Variants in ASTN2 observed in about 807,000 individuals in gnomAD.
ASTN2 encodes the protein astrotactin 2.
In ASTN2, 54 loss-of-function variants were observed where a neutral mutation model predicts 139.8. The ratio of observed to expected loss-of-function variants is 0.39; its 90% CI spans 0.31 to 0.48. The LOEUF (loss-of-function observed/expected upper bound fraction) is 0.48. Ranked by LOEUF, ASTN2 falls within the 20% of genes least tolerant of loss-of-function variation. The pLI, the probability that ASTN2 is intolerant of heterozygous loss-of-function variation, is 0.95. For synonymous variants in ASTN2, 756 were observed against 719.5 expected, an observed-to-expected ratio of 1.05 and a Z score of -0.81; for missense variants, 1,565 against 1,725.1, an observed-to-expected ratio of 0.91 and a Z score of 1.64.
Position 116,634,083 on chromosome 9 carries a change from A to C in ASTN2, c.3073-13640T>G, listed in dbSNP as rs534210359. Among the ~76,000 whole-genome samples, 13 of 152,292 alleles carry C rather than the reference A, an allele frequency of 8.5e-5. No individual in the cohort carries two copies. In the East Asian group the frequency reaches 2.5e-3, roughly 29 times the overall value. On this transcript the variant is annotated intron_variant, in intron 17 of 22. Transcript: ENST00000313400. Reference sequence around the variant, plus strand: ...TCCAGTGCTATCACTAAGCAAACTGACAGAATCATCTTCAACTCTCTATGC... The same window carrying C: ...TCCAGTGCTATCACTAAGCAAACTGCCAGAATCATCTTCAACTCTCTATGC...
intron 16 of ASTN2, among the ~76,000 whole-genome samples, chr9:116,681,423 T>C (rs1316814422): frequency 2.0e-5 from 3 of 152,054 alleles, no homozygotes; most frequent in Admixed American, 6.6e-5. Context: ...TAGGAAGAAT[T>C]AATATCGTGA....
At position 117,143,898 on chromosome 9, in the gene ASTN2, T is replaced by C. The variant is rs148505041; in HGVS notation, c.1016-2420A>G. On this transcript the variant is annotated intron_variant, in intron 3 of 22. Coordinates refer to ENST00000313400, the MANE Select transcript of ASTN2 (RefSeq NM_001365068.1). ...GCCCCTTCTTATGACCTCATTTAACTTTAATTACCTCCCAAAGATCCTATC... is the reference window on the plus strand; with the variant it reads ...GCCCCTTCTTATGACCTCATTTAACCTTAATTACCTCCCAAAGATCCTATC... Among the ~76,000 whole-genome samples, 658 of 152,294 alleles carry C rather than the reference T, an allele frequency of 4.3e-3. 4 individuals are homozygous for C. Among genetic ancestry groups the C allele is most frequent in the African/African-American group, 0.015 (614 of 41,556 alleles).
intron 2 of ASTN2, among the ~76,000 whole-genome samples, chr9:117,256,094 T>A (rs1367882684): frequency 1.3e-5 from 2 of 152,192 alleles, no homozygotes; most frequent in Admixed American, 6.5e-5. Context: ...ACACCAAGCC[T>A]GCAAGTTTGG....
At chr9:116,682,354 A>C (rs1859934931) in intron 16 of ASTN2, among the ~76,000 whole-genome samples, 1 of 152,340 alleles carries the variant, frequency 6.6e-6, no homozygotes, top group African/African-American at 2.4e-5. Context: ...TAGAATGGCA[A>C]TCATTAAAAA....
intron 16 of ASTN2, among the ~76,000 whole-genome samples, chr9:116,666,583 T>G (rs1314207932): frequency 6.6e-6 from 1 of 152,224 alleles, no homozygotes; most frequent in Non-Finnish European, 1.5e-5. Flanking sequence ...TACTGTATCA[T>G]ACTTTTAAAA....
chr9:116,458,358 G>C (rs1323881041), intron 20 of ASTN2, among the ~76,000 whole-genome samples: 1 of 151,802 alleles, frequency 6.6e-6, no homozygotes, highest in Non-Finnish European at 1.5e-5. Flanking sequence ...ATAACTAAAA[G>C]AGCATAATTG....
intron 11 of ASTN2, among the ~76,000 whole-genome samples, chr9:116,838,113 TTTGTTTTG>T (rs1564295683): frequency 2.2e-5 from 3 of 138,836 alleles, no homozygotes; most frequent in African/African-American, 5.4e-5. Flanking sequence ...TTTTTTTTGT[TTTGTTTTG>T]TTTTTTGAGA....
intron 19 of ASTN2, among the ~76,000 whole-genome samples, chr9:116,575,120 A>G (rs1389714217): frequency 1.3e-5 from 2 of 151,964 alleles, no homozygotes; most frequent in Non-Finnish European, 2.9e-5. Flanking sequence ...TCTACTTTTA[A>G]TTCCTTTTGC....
chr9:116,889,852 G>A (rs1190006017), intron 10 of ASTN2, among the ~76,000 whole-genome samples: 1 of 152,014 alleles, frequency 6.6e-6, no homozygotes, highest in Non-Finnish European at 1.5e-5. Context: ...GATCACTTGA[G>A]CTTAGGACTT....
intron 17 of ASTN2, among the ~76,000 whole-genome samples, chr9:116,625,838 G>A (rs1856424586): frequency 6.6e-6 from 1 of 152,078 alleles, no homozygotes; most frequent in Admixed American, 6.5e-5. Context: ...GGAAGGAGGT[G>A]TGGACCCTGC....
At chr9:117,264,908 C>T (rs553831847) in intron 2 of ASTN2, among the ~76,000 whole-genome samples, 1 of 152,274 alleles carries the variant, frequency 6.6e-6, no homozygotes, top group South Asian at 2.1e-4. Flanking sequence ...TATTTCGGAA[C>T]CAAACTTCAG....
chr9:116,959,278 C>T (rs192889952), intron 10 of ASTN2, among the ~76,000 whole-genome samples: 1 of 152,204 alleles, frequency 6.6e-6, no homozygotes, highest in Admixed American at 6.5e-5. Flanking sequence ...GCAGGTGTTG[C>T]CTGTGTTCTA....
chr9:116,653,135 T>G (rs1858018373), intron 16 of ASTN2, among the ~76,000 whole-genome samples: 1 of 152,200 alleles, frequency 6.6e-6, no homozygotes, highest in African/African-American at 2.4e-5. Context: ...CCTACCCACT[T>G]TCAGTGCCAA....
chr9:117,366,538 C>T (rs962108654), intron 1 of ASTN2, among the ~76,000 whole-genome samples: 1 of 152,098 alleles, frequency 6.6e-6, no homozygotes, highest in South Asian at 2.1e-4. Flanking sequence ...ATGATCTTTT[C>T]ATAAGAAATC....
At chr9:117,226,972 A>G (rs1832734084) in intron 2 of ASTN2, among the ~76,000 whole-genome samples, 1 of 152,200 alleles carries the variant, frequency 6.6e-6, no homozygotes, top group South Asian at 2.1e-4. Context: ...TAGGGAAAAG[A>G]GAGGAAGGTG....
At chr9:117,042,901 C>T (rs538764093) in intron 5 of ASTN2, among the ~76,000 whole-genome samples, 77 of 152,180 alleles carry the variant, frequency 5.1e-4, no homozygotes, top group African/African-American at 1.8e-3. Flanking sequence ...GATGGAGTCT[C>T]CCTTTGTTGC....
At chr9:116,556,315 A>G (rs1257712462) in intron 19 of ASTN2, among the ~76,000 whole-genome samples, 1 of 152,080 alleles carries the variant, frequency 6.6e-6, no homozygotes, top group Admixed American at 6.6e-5. Flanking sequence ...TCCTACATCC[A>G]TGGTTTTTAA....
chr9:116,791,231 G>A (rs1830549212), intron 13 of ASTN2, among the ~76,000 whole-genome samples: 2 of 152,192 alleles, frequency 1.3e-5, no homozygotes, highest in Admixed American at 1.3e-4. Context: ...ATGAGAACTA[G>A]TGGTAAAGCC....
At chr9:117,190,699 C>T (rs1002202358) in intron 3 of ASTN2, among the ~76,000 whole-genome samples, 2 of 152,104 alleles carry the variant, frequency 1.3e-5, no homozygotes, top group Non-Finnish European at 2.9e-5. Flanking sequence ...AAGCTGTTTC[C>T]TCAAATATTC....
Sources: allele counts gnomAD v4.1 joint callset (sites outside exome capture counted in the v4.1 genomes callset), GRCh38; gene constraint gnomAD v4.1.1; transcripts MANE v1.5; gene names NCBI Gene and HGNC (gene_info 2026-07-23, HGNC 2026-07-21).